Variants in BORA observed in about 807,000 individuals in gnomAD.
BORA encodes BORA aurora kinase A activator, also known as protein aurora borealis.
Under a neutral mutation model 55.8 loss-of-function variants are expected in BORA, and 26 were observed. That is an observed-to-expected ratio of 0.47 (90% CI 0.34 to 0.65). The LOEUF is 0.65. BORA is among the 30% of genes least tolerant of loss of function. BORA has a pLI of 0.01. For missense variants in BORA, 568 were observed against 671.5 expected, an observed-to-expected ratio of 0.85 and a Z score of 1.70; for synonymous variants, 201 against 216.9, an observed-to-expected ratio of 0.93 and a Z score of 0.64.
intron 3 of BORA, among the ~76,000 whole-genome samples, chr13:72,732,352 G>A (rs1011721187): frequency 6.6e-6 from 1 of 152,154 alleles, no homozygotes; most frequent in Non-Finnish European, 1.5e-5. Flanking sequence ...TGAGGATGAA[G>A]CATGAAAGGA....
chr13:72,731,113 G>T (rs928884958), intron 2 of BORA, among the ~76,000 whole-genome samples, 168 bp from the exon 3 acceptor site: 3 of 152,040 alleles, frequency 2.0e-5, no homozygotes, highest in African/African-American at 7.2e-5. Flanking sequence ...GATCGAATGT[G>T]ATATGATTAC....
chr13:72,735,156 A>G (rs775743285), intron 4 of BORA, 151 bp downstream of exon 4: 24 of 634,172 alleles, frequency 3.8e-5, no homozygotes, highest in East Asian at 1.7e-4. Flanking sequence ...ACCCTTCTGT[A>G]CTGTCCTAAG....
At chr13:72,748,812 C>T (rs2033205801) in intron 10 of BORA, among the ~76,000 whole-genome samples, 1 of 152,008 alleles carries the variant, frequency 6.6e-6, no homozygotes, top group Non-Finnish European at 1.5e-5. Flanking sequence ...CCTTAATCAT[C>T]ATCTAATCCA....
At chr13:72,743,275 T>A (rs575634655) in intron 5 of BORA, among the ~76,000 whole-genome samples, 1 of 152,286 alleles carries the variant, frequency 6.6e-6, no homozygotes, top group South Asian at 2.1e-4. Context: ...CATAAATGTA[T>A]ACAATTATTT....
chr13:72,729,248 A>G (rs2032757204), intron 2 of BORA, among the ~76,000 whole-genome samples, 155 bp downstream of exon 2: 1 of 151,754 alleles, frequency 6.6e-6, no homozygotes, highest in African/African-American at 2.4e-5. Flanking sequence ...AGTGTTCATT[A>G]TAATCTAGTG....
intron 10 of BORA, among the ~76,000 whole-genome samples, chr13:72,750,111 A>G (rs1375073360): frequency 6.6e-6 from 1 of 152,198 alleles, no homozygotes; most frequent in Non-Finnish European, 1.5e-5. Flanking sequence ...ACTCTGAGGA[A>G]GAATTGAGAG....
intron 10 of BORA, among the ~76,000 whole-genome samples, chr13:72,747,469 A>G (rs978231037): frequency 5.3e-5 from 8 of 152,134 alleles, no homozygotes; most frequent in Non-Finnish European, 1.2e-4. Flanking sequence ...TAGTATTTGC[A>G]TTCTAAAAAT....
chr13:72,742,767 T>TACAC (rs67866253), intron 5 of BORA, among the ~76,000 whole-genome samples: 7 of 141,746 alleles, frequency 4.9e-5, no homozygotes, highest in African/African-American at 1.8e-4. Flanking sequence ...TATATATATA[T>TACAC]ACACACACAC....
In BORA at chr13:72,727,940, C is replaced by G. The variant is rs759001039; in HGVS notation, c.-83C>G. 6.4e-7 allele frequency: 1 copy of G among 1,550,636 alleles called. No individual in the cohort carries two copies. The highest frequency in any genetic ancestry group is 8.7e-7 in the Non-Finnish European group (1 of 1,147,004). The stretch of plus-strand genomic sequence containing the variant: ...GGGGAGTTAAAGAGTCTATGCCTGT[C>G]GTGGAAGCTGGCCTGGCCCCCGGAG... On this transcript the variant is annotated 5_prime_UTR_variant, in exon 1 of 12. Coordinates refer to ENST00000390667, the MANE Select transcript of BORA (RefSeq NM_024808.5).
rs764613959 is a variant in BORA at position 72,744,527 on chromosome 13, T to C, written c.477T>C (p.Ser159=). 24 of 1,611,140 alleles carry C rather than the reference T, an allele frequency of 1.5e-5. No individual in the cohort carries two copies. In the African/African-American group the frequency reaches 1.6e-4, roughly 11 times the overall value. ...CAGCTGCTTGTCAGACATTGCTGTC[T>C]CTTCCTGTGGATTTTAATTTAGAAA... ...KSDAACQTLL[S]LPVDFNLENI... is the part of the protein sequence containing the mutation. Residue 159 remains serine, a synonymous_variant, in exon 7 of 12, where the codon TCT becomes TCC. Transcript: ENST00000390667.
intron 2 of BORA, among the ~76,000 whole-genome samples, chr13:72,731,009 A>G (rs1008215751): frequency 6.6e-6 from 1 of 152,062 alleles, no homozygotes; most frequent in Non-Finnish European, 1.5e-5. Flanking sequence ...TGGAGGTTGC[A>G]GTGAGCTGAG....
intron 2 of BORA, among the ~76,000 whole-genome samples, chr13:72,730,903 A>G (rs987811892): frequency 8.1e-6 from 1 of 122,988 alleles, no homozygotes; most frequent in Non-Finnish European, 1.8e-5. Context: ...AAAAAAAAAA[A>G]AAAAAAATAC....
intron 10 of BORA, among the ~76,000 whole-genome samples, chr13:72,747,564 C>G (rs1392446344): frequency 6.6e-6 from 1 of 151,692 alleles, no homozygotes; most frequent in African/African-American, 2.4e-5. Flanking sequence ...GATGGGGTCT[C>G]ACTCTGTCAC....
At chr13:72,740,026 C>T (rs2033005331) in intron 5 of BORA, among the ~76,000 whole-genome samples, 2 of 146,412 alleles carry the variant, frequency 1.4e-5, no homozygotes, top group African/African-American at 5.1e-5. Context: ...GTTGGGGGGT[C>T]AGTCAGGTAG....
At chr13:72,750,565 T>C (rs1294579937) in intron 10 of BORA, among the ~76,000 whole-genome samples, 1 of 152,082 alleles carries the variant, frequency 6.6e-6, no homozygotes, top group Non-Finnish European at 1.5e-5. Context: ...TATAAGTAAC[T>C]CCCACATGCT....
At position 72,745,077 on chromosome 13, in the gene BORA, G is replaced by A. The variant is rs755154390; in HGVS notation, c.608G>A (p.Ser203Asn). The A allele has an allele frequency of 6.2e-6, 10 of 1,614,120 alleles. No individual in the cohort carries two copies. In the South Asian group the frequency reaches 9.9e-5, roughly 16 times the overall value. Residue 203 changes from serine to asparagine, a missense_variant, in exon 8 of 12, where the codon AGC becomes AAC. Physicochemically the swap from Ser to Asn is conservative, Grantham distance 46. Transcript: ENST00000390667. Reference protein sequence around the residue: ...RRKLFLDGNGSISDSLPSASP... With the variant: ...RRKLFLDGNGNISDSLPSASP... ...AAGCTGTTTTTAGATGGGAACGGAAGCATCTCCGACTCCTTACCTTCGGCT... is the reference window on the plus strand; with the variant it reads ...AAGCTGTTTTTAGATGGGAACGGAAACATCTCCGACTCCTTACCTTCGGCT...
rs1389997387 is a variant in BORA at position 72,747,018 on chromosome 13, A to T, written c.1389A>T (p.Val463=). 2 of 1,614,026 alleles carry T rather than the reference A, an allele frequency of 1.2e-6. No individual in the cohort carries two copies. The highest frequency in any genetic ancestry group is 1.7e-5 in the Admixed American group (1 of 60,004). ...DNGSLPMTDF[V]SGIAFSIENS... The stretch of plus-strand genomic sequence containing the variant: ...GCAGTTTACCCATGACTGATTTTGT[A>T]AGTGGCATTGCCTTCAGTATTGAAA... Residue 463 remains valine, a synonymous_variant, in exon 10 of 12, where the codon GTA becomes GTT. Coordinates refer to ENST00000390667, the MANE Select transcript of BORA (RefSeq NM_024808.5).
At chr13:72,728,093 T>C (rs1293385578) in intron 1 of BORA, 86 bp downstream of exon 1, 1 of 1,523,834 alleles carries the variant, frequency 6.6e-7, no homozygotes, top group Admixed American at 2.0e-5. Context: ...GCCTGCCCGC[T>C]CGCCCCTGGT....
intron 10 of BORA, 114 bp from the exon 11 acceptor site, chr13:72,753,576 T>C (rs2033340664): frequency 9.1e-7 from 1 of 1,102,640 alleles, no homozygotes; most frequent in Non-Finnish European, 1.3e-6. Context: ...ATGATCAATA[T>C]TACATGTTAG....
Sources: allele counts gnomAD v4.1 joint callset (sites outside exome capture counted in the v4.1 genomes callset), GRCh38; gene constraint gnomAD v4.1.1; transcripts MANE v1.5; gene names NCBI Gene and HGNC (gene_info 2026-07-23, HGNC 2026-07-21).